The following RUNX1 variants were observed in gnomAD, a reference collection of about 807,000 sequenced individuals.
RUNX1 encodes runt-related transcription factor 1.
In RUNX1, 19 loss-of-function variants were observed where a neutral mutation model predicts 42.8. That is an observed-to-expected ratio of 0.44 (90% CI 0.31 to 0.65). The LOEUF is 0.65. Ranked by LOEUF, RUNX1 falls within the 30% of genes least tolerant of loss-of-function variation. The probability of loss-of-function intolerance (pLI) is 0.07; values close to 1 mark genes in which losing one functional copy is unlikely to be tolerated. For missense variants in RUNX1, 528 were observed against 672.0 expected, an observed-to-expected ratio of 0.79 and a Z score of 2.37; for synonymous variants, 271 against 289.4, an observed-to-expected ratio of 0.94 and a Z score of 0.64.
In RUNX1 at chr21:34,790,046, G is replaced by A. The variant is rs1017713858; in HGVS notation, c.*2089C>T. The A allele has an allele frequency of 4.7e-5, 11 of 232,654 alleles. No homozygotes were observed. Among genetic ancestry groups the A allele is most frequent in the Non-Finnish European group, 8.5e-5 (10 of 117,772 alleles). The allele number at this position is 232,654 out of a possible 1,614,324, so 14.4% of individuals were successfully genotyped here. A position where few individuals can be genotyped will look rare whatever the true frequency, so the allele number is the denominator to read the frequency against. On this transcript the variant is annotated 3_prime_UTR_variant, in exon 9 of 9. Transcript: ENST00000675419. ...TAATTTAGCTGCAAAAATGTAATACGGAATAATATATGAAACTGAGTTGTG... is the reference window on the plus strand; with the variant it reads ...TAATTTAGCTGCAAAAATGTAATACAGAATAATATATGAAACTGAGTTGTG...
At chr21:34,913,920 A>G (rs913033872) in intron 2 of RUNX1, among the ~76,000 whole-genome samples, 18 of 152,216 alleles carry the variant, frequency 1.2e-4, no homozygotes, top group African/African-American at 4.1e-4. Context: ...AATCTAAACC[A>G]TATGTCCTTT....
At chr21:34,842,492 CAAAA>C (rs371971118) in intron 6 of RUNX1, among the ~76,000 whole-genome samples, 2 of 52,218 alleles carry the variant, frequency 3.8e-5, no homozygotes, top group Non-Finnish European at 6.5e-5. Context: ...GAGACCTCTC[CAAAA>C]AAAAAAAAAA....
intron 2 of RUNX1, among the ~76,000 whole-genome samples, chr21:35,013,010 G>A (rs2059136447): frequency 6.6e-6 from 1 of 152,196 alleles, no homozygotes; most frequent in Non-Finnish European, 1.5e-5. Flanking sequence ...ATCAGGCTCA[G>A]GCCAGATTTG....
At chr21:34,963,070 G>C (rs1196195161) in intron 2 of RUNX1, among the ~76,000 whole-genome samples, 1 of 152,242 alleles carries the variant, frequency 6.6e-6, no homozygotes, top group Non-Finnish European at 1.5e-5. Flanking sequence ...TGTTAACAGA[G>C]CACAGGTTAG....
At chr21:35,049,054 C>A in intron 1 of RUNX1, 96 bp from the exon 2 acceptor site, 2 of 691,304 alleles carry the variant, frequency 2.9e-6, no homozygotes. Context: ...ACCTCTGGGA[C>A]TCCCCAAGCC....
At chr21:34,869,259 GT>G (rs1354999958) in intron 5 of RUNX1, among the ~76,000 whole-genome samples, 1 of 152,132 alleles carries the variant, frequency 6.6e-6, no homozygotes. Context: ...CCTAAGTATA[GT>G]TACATACACA....
rs113950455 is a variant in RUNX1 at position 34,968,759 on chromosome 21, C to G, written c.59-75796G>C. ...AGCAGGTGGTCTGATCTGTGGAAAA[C>G]TTCTATGATTCACCTGAGGGTAACT... On this transcript the variant is annotated intron_variant, in intron 2 of 8. Coordinates refer to ENST00000675419, the MANE Select transcript of RUNX1 (RefSeq NM_001754.5). Among the ~76,000 whole-genome samples the G allele has an allele frequency of 7.2e-5, 11 of 152,166 alleles. 1 individual carries two copies. The highest frequency in any genetic ancestry group is 2.6e-4 in the African/African-American group (11 of 41,516).
intron 2 of RUNX1, among the ~76,000 whole-genome samples, chr21:34,977,748 T>C (rs1428193310): frequency 1.3e-5 from 2 of 152,210 alleles, no homozygotes; most frequent in East Asian, 3.9e-4. Context: ...GCTGTAAACC[T>C]GAATGGAGAA....
In RUNX1 at chr21:34,792,344, C is replaced by A. The variant is rs1601332742; in HGVS notation, c.1234G>T (p.Gly412Cys). ...CCCACCATGGAGAACTGGTAGGAGC[C>A]GGCCGAGGCGCCGTAGTACAGGTGG... ...SYHLYYGASA[G>C]SYQFSMVGGE... Residue 412 changes from glycine to cysteine, a missense_variant, in exon 9 of 9, where the codon GGC becomes TGC. By Grantham distance (159) the Gly-to-Cys change is radical (BLOSUM62 -3). Transcript: ENST00000675419. The surrounding 1 kb of genome is among the most constrained non-coding windows in gnomAD (Gnocchi z 6.9). 3 of 1,555,514 alleles carry A rather than the reference C, an allele frequency of 1.9e-6. No homozygotes were observed. Among genetic ancestry groups the A allele is most frequent in the Non-Finnish European group, 2.6e-6 (3 of 1,150,038 alleles).
chr21:34,909,980 T>G (rs1229229714), intron 2 of RUNX1, among the ~76,000 whole-genome samples: 2 of 152,198 alleles, frequency 1.3e-5, no homozygotes, highest in Admixed American at 1.3e-4. Flanking sequence ...AAGCTGTGCC[T>G]GGGCTGCCCC....
intron 5 of RUNX1, among the ~76,000 whole-genome samples, chr21:34,860,382 T>C (rs2057555848): frequency 1.3e-5 from 2 of 152,332 alleles, no homozygotes; most frequent in Admixed American, 1.3e-4. Context: ...ACTAGACACC[T>C]CTATGTTCCT....
intron 7 of RUNX1, among the ~76,000 whole-genome samples, chr21:34,805,207 A>C (rs760749264): frequency 6.6e-6 from 1 of 152,226 alleles, no homozygotes; most frequent in Non-Finnish European, 1.5e-5. Flanking sequence ...AAGAGGAAAA[A>C]GAAAGAACAT....
At chr21:34,813,777 G>T (rs981012835) in intron 7 of RUNX1, among the ~76,000 whole-genome samples, 1 of 151,926 alleles carries the variant, frequency 6.6e-6, no homozygotes, top group Admixed American at 6.6e-5. Flanking sequence ...ATTACTTAAG[G>T]TTTCATTCTA....
chr21:34,816,797 G>A (rs1473476771), intron 7 of RUNX1, among the ~76,000 whole-genome samples: 1 of 152,186 alleles, frequency 6.6e-6, no homozygotes, highest in Non-Finnish European at 1.5e-5. Flanking sequence ...AAGATCTGCA[G>A]CATTCACCCA....
At chr21:34,903,077 C>T (rs1030023980) in intron 2 of RUNX1, among the ~76,000 whole-genome samples, 1 of 152,154 alleles carries the variant, frequency 6.6e-6, no homozygotes, top group Non-Finnish European at 1.5e-5. Context: ...CAAGTATACA[C>T]ATAAAAATAA....
In RUNX1 at chr21:35,010,201, T is replaced by C. The variant is rs367919617; in HGVS notation, c.58+38641A>G. On this transcript the variant is annotated intron_variant, in intron 2 of 8. Transcript: ENST00000675419. Reference sequence around the variant, plus strand: ...CATATTTTGGTTTCAAGGTGTTTTTTTTTCCTCCCTAAATTTATACCAATA... The same window carrying C: ...CATATTTTGGTTTCAAGGTGTTTTTCTTTCCTCCCTAAATTTATACCAATA... Among the ~76,000 whole-genome samples, 20 of 152,308 alleles carry C rather than the reference T, an allele frequency of 1.3e-4. No homozygotes were observed. In the East Asian group the frequency reaches 2.5e-3, roughly 19 times the overall value.
chr21:34,795,150 A>ATG (rs2056507611), intron 8 of RUNX1, among the ~76,000 whole-genome samples: 1 of 152,250 alleles, frequency 6.6e-6, no homozygotes, highest in Non-Finnish European at 1.5e-5. Flanking sequence ...TCTTAAGCTC[A>ATG]GATGGCATGT....
At chr21:34,984,606 A>G (rs1345143425) in intron 2 of RUNX1, among the ~76,000 whole-genome samples, 1 of 152,184 alleles carries the variant, frequency 6.6e-6, no homozygotes, top group African/African-American at 2.4e-5. Flanking sequence ...AATCAAAAAG[A>G]AGAGTATTTT....
chr21:35,023,498 G>A (rs1236170918), intron 2 of RUNX1, among the ~76,000 whole-genome samples: 1 of 152,204 alleles, frequency 6.6e-6, no homozygotes, highest in Admixed American at 6.5e-5. Flanking sequence ...TCATGGCAGG[G>A]GGCTGGACTG....
Sources: allele counts gnomAD v4.1 joint callset (sites outside exome capture counted in the v4.1 genomes callset), GRCh38; gene constraint gnomAD v4.1.1; non-coding constraint Gnocchi (gnomAD v3.1); transcripts MANE v1.5; gene names NCBI Gene and HGNC (gene_info 2026-07-23, HGNC 2026-07-21).